CNTFR: variants seen among roughly 807,000 people sequenced by gnomAD.
CNTFR encodes the protein ciliary neurotrophic factor receptor.
Under a neutral mutation model 40.4 loss-of-function variants are expected in CNTFR, and 12 were observed. The ratio of observed to expected loss-of-function variants is 0.30; its 90% CI spans 0.19 to 0.48. The LOEUF (loss-of-function observed/expected upper bound fraction) is 0.48. Among genes scored for constraint, CNTFR ranks in the 20% least tolerant of loss-of-function variants. The probability of loss-of-function intolerance (pLI) is 0.99; values close to 1 mark genes in which losing one functional copy is unlikely to be tolerated. For missense variants in CNTFR, 414 were observed against 506.8 expected, an observed-to-expected ratio of 0.82 and a Z score of 1.76; for synonymous variants, 202 against 209.6, an observed-to-expected ratio of 0.96 and a Z score of 0.31.
At position 34,565,476 on chromosome 9, in the gene CNTFR, CAGG is replaced by C. The variant is rs1274656628; in HGVS notation, c.86-647_86-645del. ...CAGCCATCCAGGGCTCAGGCAGCAG[CAGG>C]AGAAGGGAGAATGGGCAGCAGGGAA... On this transcript the variant is annotated intron_variant, in intron 3 of 9. Coordinates refer to ENST00000378980, the MANE Select transcript of CNTFR (RefSeq NM_147164.3). 2.0e-5 allele frequency among the ~76,000 whole-genome samples: 3 copies of C among 152,252 alleles called. No homozygotes were observed. In the South Asian group the frequency reaches 6.2e-4, roughly 32 times the overall value.
intron 2 of CNTFR, among the ~76,000 whole-genome samples, chr9:34,573,418 G>A (rs1473681729): frequency 6.6e-6 from 1 of 152,188 alleles, no homozygotes; most frequent in Non-Finnish European, 1.5e-5. Context: ...TGGGCACGCC[G>A]AGGCTCAGGT....
chr9:34,579,636 G>C (rs754867183), intron 2 of CNTFR, among the ~76,000 whole-genome samples: 10 of 152,016 alleles, frequency 6.6e-5, no homozygotes, highest in Admixed American at 6.5e-5. Context: ...AAGCTGGGGG[G>C]CTGAGGAGCA....
chr9:34,589,678 G>GCTGGAGCCGCCGCCTCCGCTGCCGC lies in CNTFR; in HGVS notation c.-260_-236dup. 6.4e-6 allele frequency: 1 copy of GCTGGAGCCGCCGCCTCCGCTGCCGC among 156,836 alleles called. No individual in the cohort carries two copies. 9.7% of individuals were successfully genotyped at this position (156,836 alleles called of 1,614,324 possible). ...CACCGCCGAGCCTCGCGCCGCGCCG[G>GCTGGAGCCGCCGCCTCCGCTGCCGC]CTGGAGCCGCCGCCTCCGCTGCCGC... On this transcript the variant is annotated 5_prime_UTR_variant, in exon 1 of 10. Coordinates refer to ENST00000378980, the MANE Select transcript of CNTFR (RefSeq NM_147164.3). This position sits in a 1 kb window ranked among gnomAD's most constrained non-coding sequence, Gnocchi z 4.4.
intron 2 of CNTFR, among the ~76,000 whole-genome samples, chr9:34,575,077 TCAAAAGTCATCTGGTCCAGCC>T (rs1408246483): frequency 1.3e-5 from 2 of 152,156 alleles, no homozygotes; most frequent in Non-Finnish European, 2.9e-5. Context: ...GCTTTCACCC[TCAAAAGTCATCTGGTCCAGCC>T]CCCTGCCTCT....
intron 2 of CNTFR, among the ~76,000 whole-genome samples, chr9:34,572,778 T>C (rs918869633): frequency 3.3e-5 from 5 of 152,158 alleles, no homozygotes; most frequent in African/African-American, 1.2e-4. Flanking sequence ...GTCACCACGA[T>C]GACAATAATG....
At chr9:34,559,722 G>A (rs1409291333) in intron 4 of CNTFR, among the ~76,000 whole-genome samples, 2 of 152,112 alleles carry the variant, frequency 1.3e-5, no homozygotes, top group Non-Finnish European at 2.9e-5. Context: ...TTCCGAGGTC[G>A]GCCGAGAAGC....
intron 4 of CNTFR, among the ~76,000 whole-genome samples, chr9:34,562,683 A>T (rs1006532274): frequency 1.3e-5 from 2 of 152,186 alleles, no homozygotes; most frequent in Admixed American, 1.3e-4. Context: ...AACCATACCC[A>T]AATAAAATGA....
At chr9:34,578,597 C>A (rs918836727) in intron 2 of CNTFR, among the ~76,000 whole-genome samples, 1 of 152,226 alleles carries the variant, frequency 6.6e-6, no homozygotes, top group Admixed American at 6.5e-5. Context: ...CTACCTTCCT[C>A]CTCCCGGGGT....
In CNTFR at chr9:34,557,901, TG is replaced by T; in HGVS notation, c.402del (p.Thr135ProfsTer9). ...ACATTGAAGGTGTTGGGAATGTAGG[TG>T]GGGGTGGGCAGATGCCAGCTGCAGT... ...GFYCSWHLPT[P>X]TYIPNTFNVT... On this transcript the variant is annotated frameshift_variant, in exon 5 of 10. Coordinates refer to ENST00000378980, the MANE Select transcript of CNTFR (RefSeq NM_147164.3). LOFTEE classifies it high-confidence loss of function. The surrounding 1 kb of genome is among the most constrained non-coding windows in gnomAD (Gnocchi z 4.2). The T allele has an allele frequency of 6.4e-7, 1 of 1,568,458 alleles. No individual in the cohort carries two copies. The highest frequency in any genetic ancestry group is 8.6e-7 in the Non-Finnish European group (1 of 1,156,578).
chr9:34,559,878 C>G (rs941462145), intron 4 of CNTFR, among the ~76,000 whole-genome samples: 2 of 152,168 alleles, frequency 1.3e-5, no homozygotes, highest in Non-Finnish European at 2.9e-5. Context: ...AGCCTCCCCA[C>G]TGACCAGGCT....
chr9:34,566,013 C>G (rs1253911579), intron 3 of CNTFR, among the ~76,000 whole-genome samples: 1 of 152,104 alleles, frequency 6.6e-6, no homozygotes, highest in African/African-American at 2.4e-5. Flanking sequence ...AGCCACCCTG[C>G]TGAGTTGGGG....
chr9:34,563,516 T>C (rs1826154971), intron 4 of CNTFR, among the ~76,000 whole-genome samples: 1 of 152,276 alleles, frequency 6.6e-6, no homozygotes, highest in Admixed American at 6.5e-5. Context: ...TTCCTTTTTG[T>C]GTGTCACTTT....
chr9:34,568,349 C>A (rs998831791), intron 3 of CNTFR, among the ~76,000 whole-genome samples: 8 of 152,176 alleles, frequency 5.3e-5, no homozygotes, highest in Non-Finnish European at 8.8e-5. Context: ...AATGGCCGAG[C>A]CCTGAGCTGT....
chr9:34,582,469 A>T (rs778154452), intron 1 of CNTFR: 3 of 152,082 alleles, frequency 2.0e-5, no homozygotes, highest in Non-Finnish European at 4.4e-5. Flanking sequence ...AGCCATTCAA[A>T]AGACCCCTCA....
chr9:34,552,980 T>C lies in CNTFR; in HGVS notation c.769-126A>G. On this transcript the variant is annotated intron_variant, in intron 7 of 9. Coordinates refer to ENST00000378980, the MANE Select transcript of CNTFR (RefSeq NM_147164.3). The surrounding 1 kb of genome is among the most constrained non-coding windows in gnomAD (Gnocchi z 5.1). Reference sequence around the variant, plus strand: ...AAGGGCTCTGGGGGCAGTGAGGACTTCCCTGAGGAGAAGGAGGACATGGAG... The same window carrying C: ...AAGGGCTCTGGGGGCAGTGAGGACTCCCCTGAGGAGAAGGAGGACATGGAG... 1.2e-6 allele frequency: 1 copy of C among 820,658 alleles called. No homozygotes were observed. Among genetic ancestry groups the C allele is most frequent in the Non-Finnish European group, 1.9e-6 (1 of 515,062 alleles). 50.8% of individuals were successfully genotyped at this position (820,658 alleles called of 1,614,324 possible).
At chr9:34,555,752 G>A (rs1294597590) in intron 7 of CNTFR, among the ~76,000 whole-genome samples, 1 of 152,036 alleles carries the variant, frequency 6.6e-6, no homozygotes, top group East Asian at 1.9e-4. Context: ...GCCCATCTGT[G>A]AGCCCTTGAG....
chr9:34,567,009 C>G (rs897176741), intron 3 of CNTFR, among the ~76,000 whole-genome samples: 2 of 152,182 alleles, frequency 1.3e-5, no homozygotes, highest in Non-Finnish European at 2.9e-5. Context: ...GACAAGCACA[C>G]AGTGTCACAA....
intron 2 of CNTFR, among the ~76,000 whole-genome samples, chr9:34,577,238 C>CCTTGCCA (rs1278260283): frequency 1.3e-5 from 2 of 152,250 alleles, no homozygotes; most frequent in African/African-American, 4.8e-5. Context: ...CTGCAGACAT[C>CCTTGCCA]CTTGCCACTT....
At chr9:34,563,487 C>T (rs1826153869) in intron 4 of CNTFR, among the ~76,000 whole-genome samples, 1 of 152,250 alleles carries the variant, frequency 6.6e-6, no homozygotes, top group Non-Finnish European at 1.5e-5. Context: ...ATAACTCACT[C>T]TTTACTGACT....
Sources: gnomAD v4.1 joint callset for allele counts (sites outside exome capture counted in the v4.1 genomes callset) on GRCh38, gnomAD v4.1.1 for gene constraint, Gnocchi (gnomAD v3.1) non-coding constraint, MANE v1.5 for transcripts, NCBI Gene and HGNC (gene_info 2026-07-23, HGNC 2026-07-21) for gene names.